FRYL: variants seen among roughly 807,000 people sequenced by gnomAD.
The protein encoded by FRYL is protein furry homolog-like.
Under a neutral mutation model 351.2 loss-of-function variants are expected in FRYL, and 150 were observed. The observed-to-expected ratio is 0.43, with a 90% CI of 0.37 to 0.49. FRYL has a LOEUF of 0.49. FRYL is among the 20% of genes least tolerant of loss of function. The probability of loss-of-function intolerance (pLI) is 0.00; values close to 1 mark genes in which losing one functional copy is unlikely to be tolerated. For missense variants in FRYL, 3,036 were observed against 3,619.3 expected (o/e 0.84, Z 4.13); for synonymous variants, 1,153 against 1,257.1 (o/e 0.92, Z 1.75).
In FRYL at chr4:48,760,922, C is replaced by T. The variant is rs1774338311; in HGVS notation, c.-384+19156G>A. Among the ~76,000 whole-genome samples the T allele has an allele frequency of 2.6e-5, 4 of 152,022 alleles. No homozygotes were observed. The South Asian group carries it at 8.3e-4, about 32-fold the overall frequency. On this transcript the variant is annotated intron_variant, in intron 1 of 63. Transcript: ENST00000358350. ...AGAACTCCTGGCCTCAAGTGATCCA[C>T]CTGCCTCAGTCTCCCAAAGTGCTGC...
chr4:48,706,654 C>A (rs1272033871), intron 2 of FRYL, among the ~76,000 whole-genome samples: 1 of 152,160 alleles, frequency 6.6e-6, no homozygotes, highest in Non-Finnish European at 1.5e-5. Flanking sequence ...ATTATGCACA[C>A]TTTAGCACAA....
chr4:48,581,021 C>A, intron 21 of FRYL, 70 bp from the exon 22 acceptor site: 2 of 882,848 alleles, frequency 2.3e-6, no homozygotes, highest in Non-Finnish European at 3.4e-6. Flanking sequence ...CCCAAGTAAA[C>A]ACTAAAAATT....
At chr4:48,550,317 C>T (rs1472478492) in intron 38 of FRYL, among the ~76,000 whole-genome samples, 3 of 152,060 alleles carry the variant, frequency 2.0e-5, no homozygotes, top group Non-Finnish European at 2.9e-5. Flanking sequence ...AAAAAATCAG[C>T]CTGTTTCCAG....
intron 2 of FRYL, among the ~76,000 whole-genome samples, chr4:48,704,986 T>A (rs1578774854): frequency 6.8e-6 from 1 of 147,162 alleles, no homozygotes; most frequent in Non-Finnish European, 1.5e-5. Flanking sequence ...CCAGGCATGG[T>A]AGCGCACACC....
chr4:48,658,103 T>C lies in FRYL; in HGVS notation c.-80-23613A>G, dbSNP rs1759628396. 2.0e-5 allele frequency among the ~76,000 whole-genome samples: 3 copies of C among 152,162 alleles called. No homozygotes were observed. In the South Asian group the frequency reaches 6.2e-4, roughly 31 times the overall value. On this transcript the variant is annotated intron_variant, in intron 3 of 63. Coordinates refer to ENST00000358350, the MANE Select transcript of FRYL (RefSeq NM_015030.2). ...ATCTCACAAAATATTGCTATTTAGA[T>C]ATGGATCTGAATAAAATGTTACTTA...
intron 11 of FRYL, among the ~76,000 whole-genome samples, chr4:48,603,822 TC>T (rs917979000): frequency 1.3e-5 from 2 of 152,320 alleles, no homozygotes; most frequent in African/African-American, 4.8e-5. Flanking sequence ...TCCTTGCTGT[TC>T]CTAGAACGCA....
rs149752621 is a variant in FRYL at position 48,499,200 on chromosome 4, C to T, written c.*222G>A. On this transcript the variant is annotated 3_prime_UTR_variant, in exon 64 of 64. Transcript: ENST00000358350. ...ACGTAGGTTAAGTAATTAAAAAATTCCTTCTTCACGCAGTTATTGTGGGAG... is the reference window on the plus strand; with the variant it reads ...ACGTAGGTTAAGTAATTAAAAAATTTCTTCTTCACGCAGTTATTGTGGGAG... 3.8e-4 allele frequency: 188 copies of T among 491,432 alleles called. 1 individual carries two copies. The highest frequency in any genetic ancestry group is 3.5e-3 in the African/African-American group (179 of 51,676). 30.4% of individuals were successfully genotyped at this position (491,432 alleles called of 1,614,324 possible). A position where few individuals can be genotyped will look rare whatever the true frequency, so the allele number is the denominator to read the frequency against.
chr4:48,633,979 A>C (rs1473149084), intron 4 of FRYL, among the ~76,000 whole-genome samples: 3 of 152,212 alleles, frequency 2.0e-5, no homozygotes, highest in Admixed American at 6.5e-5. Flanking sequence ...CACAATATAC[A>C]TGTAAAATAT....
intron 55 of FRYL, 94 bp from the exon 56 acceptor site, chr4:48,515,369 T>C: frequency 1.1e-6 from 1 of 928,610 alleles, no homozygotes; most frequent in South Asian, 1.8e-5. Context: ...CTAAGTCTGT[T>C]TTATTAAGTG....
intron 42 of FRYL, 104 bp from the exon 43 acceptor site, chr4:48,545,008 G>C (rs545360137): frequency 8.2e-6 from 10 of 1,219,930 alleles, no homozygotes; most frequent in Admixed American, 5.3e-5. Context: ...AAGGATGGTA[G>C]TTGAATAAAT....
intron 41 of FRYL, 58 bp from the exon 42 acceptor site, chr4:48,546,329 T>C (rs1731322689): frequency 7.6e-7 from 1 of 1,324,318 alleles, no homozygotes; most frequent in South Asian, 1.2e-5. Flanking sequence ...ACAAAATACC[T>C]ATAGAATTAA....
chr4:48,738,246 T>C (rs1182234866), intron 1 of FRYL, among the ~76,000 whole-genome samples: 3 of 152,118 alleles, frequency 2.0e-5, no homozygotes, highest in Non-Finnish European at 4.4e-5. Flanking sequence ...CAATAAACAA[T>C]TATAACAAGG....
chr4:48,645,511 T>C (rs1756294529), intron 3 of FRYL, among the ~76,000 whole-genome samples: 1 of 152,316 alleles, frequency 6.6e-6, no homozygotes, highest in African/African-American at 2.4e-5. Context: ...ATATTCTTTA[T>C]GATGATTCCA....
chr4:48,713,566 G>A (rs1768370229), intron 1 of FRYL, among the ~76,000 whole-genome samples: 1 of 152,130 alleles, frequency 6.6e-6, no homozygotes, highest in African/African-American at 2.4e-5. Flanking sequence ...AACAAGAAGA[G>A]CTAACTATCC....
chr4:48,663,774 C>CAAAAAAAAAAA (rs71191251), intron 3 of FRYL, among the ~76,000 whole-genome samples: 1 of 70,112 alleles, frequency 1.4e-5, no homozygotes, highest in Non-Finnish European at 2.7e-5. Flanking sequence ...GACTCCGTCT[C>CAAAAAAAAAAA]AAAAAAAAAA....
intron 13 of FRYL, among the ~76,000 whole-genome samples, chr4:48,599,833 A>C (rs1702796): frequency 0.98 from 149,815 of 152,278 alleles, 73,732 homozygotes; most frequent in East Asian, 1. Context: ...CTAGGCTGGG[A>C]GCAGTGGTTC....
At chr4:48,531,066 CTCAA>C (rs1727484291) in intron 50 of FRYL, 86 bp downstream of exon 50, 3 of 891,214 alleles carry the variant, frequency 3.4e-6, no homozygotes, top group Admixed American at 2.1e-5. Context: ...TGGGTATGAG[CTCAA>C]TCAATGTTTG....
At chr4:48,590,248 T>A (rs1263608295) in intron 17 of FRYL, among the ~76,000 whole-genome samples, 2 of 152,122 alleles carry the variant, frequency 1.3e-5, no homozygotes, top group Non-Finnish European at 2.9e-5. Flanking sequence ...TTTGGGAGGC[T>A]GAGGCGAGTG....
intron 1 of FRYL, among the ~76,000 whole-genome samples, chr4:48,732,701 T>TC (rs1770860431): frequency 7.2e-6 from 1 of 139,660 alleles, no homozygotes; most frequent in African/African-American, 2.7e-5. Flanking sequence ...TCACATGTTC[T>TC]CACTCATAAG....
Sources: gnomAD v4.1 joint callset for allele counts (sites outside exome capture counted in the v4.1 genomes callset) on GRCh38, gnomAD v4.1.1 for gene constraint, MANE v1.5 for transcripts, NCBI Gene and HGNC (gene_info 2026-07-23, HGNC 2026-07-21) for gene names.